LYZL1: variants seen among roughly 807,000 people sequenced by gnomAD.
The protein encoded by LYZL1 is lysozyme like 1.
Under a neutral mutation model 17.9 loss-of-function variants are expected in LYZL1, and 16 were observed. The ratio of observed to expected loss-of-function variants is 0.90; its 90% CI spans 0.61 to 1.36. LYZL1 has a LOEUF of 1.36. Among genes scored for constraint, LYZL1 ranks in the 40% most tolerant of loss-of-function variants. The pLI is 0.00. For missense variants in LYZL1, 149 were observed against 188.4 expected, an observed-to-expected ratio of 0.79 and a Z score of 1.22; for synonymous variants, 58 against 71.8, an observed-to-expected ratio of 0.81 and a Z score of 0.97.
chr10:29,308,025 CA>C (rs1281731954), intron 3 of LYZL1, among the ~76,000 whole-genome samples: 1 of 152,034 alleles, frequency 6.6e-6, no homozygotes, highest in Non-Finnish European at 1.5e-5. Context: ...AAAACAAAAA[CA>C]AAACAAAACA....
intron 3 of LYZL1, among the ~76,000 whole-genome samples, chr10:29,306,085 A>T (rs1026858829): frequency 1.3e-5 from 2 of 152,240 alleles, no homozygotes; most frequent in Non-Finnish European, 2.9e-5. Flanking sequence ...TCCCACAGTT[A>T]AGAGCCAATC....
At chr10:29,305,149 A>T (rs1348603844) in intron 3 of LYZL1, among the ~76,000 whole-genome samples, 1 of 152,182 alleles carries the variant, frequency 6.6e-6, no homozygotes, top group East Asian at 1.9e-4. Context: ...ATCTCCCAGA[A>T]AATATGCTAG....
chr10:29,290,787 C>A (rs1013644818), intron 1 of LYZL1, among the ~76,000 whole-genome samples: 2 of 151,896 alleles, frequency 1.3e-5, no homozygotes, highest in Admixed American at 1.3e-4. Flanking sequence ...TGGAGTGAGC[C>A]CAGATGGCGC....
chr10:29,301,598 A>G (rs1835519638), intron 3 of LYZL1, among the ~76,000 whole-genome samples: 2 of 152,026 alleles, frequency 1.3e-5, no homozygotes, highest in African/African-American at 4.8e-5. Flanking sequence ...TTTTTTATCT[A>G]GTCATTTTTA....
At chr10:29,300,110 G>C (rs367680092) in intron 3 of LYZL1, among the ~76,000 whole-genome samples, 2 of 152,090 alleles carry the variant, frequency 1.3e-5, no homozygotes, top group Admixed American at 6.6e-5. Context: ...GACATACATC[G>C]TGGAACCTTG....
downstream of LYZL1, among the ~76,000 whole-genome samples, chr10:29,314,028 G>A (rs1835702093): frequency 1.3e-5 from 2 of 152,134 alleles, no homozygotes; most frequent in South Asian, 4.2e-4. Context: ...TTTCTGGTCT[G>A]GTCTGGTCTG....
intron 1 of LYZL1, among the ~76,000 whole-genome samples, 161 bp from the exon 2 acceptor site, chr10:29,291,682 C>A (rs1304223839): frequency 2.7e-3 from 410 of 150,092 alleles, no homozygotes; most frequent in East Asian, 7.8e-3. Context: ...CTTCAGTTGC[C>A]TTCCTTCCCT....
intron 3 of LYZL1, among the ~76,000 whole-genome samples, chr10:29,304,602 T>C (rs1260870030): frequency 2.0e-5 from 3 of 152,246 alleles, no homozygotes; most frequent in Non-Finnish European, 4.4e-5. Flanking sequence ...CTGTTCAACA[T>C]AACCCTTTCT....
chr10:29,314,722 T>C (rs1384371761), downstream of LYZL1, among the ~76,000 whole-genome samples: 1 of 152,230 alleles, frequency 6.6e-6, no homozygotes, highest in Non-Finnish European at 1.5e-5. Flanking sequence ...ATTTTTGTTT[T>C]CAAATCAAGT....
chr10:29,312,835 A>G (rs922394017), downstream of LYZL1, among the ~76,000 whole-genome samples: 2 of 152,154 alleles, frequency 1.3e-5, no homozygotes, highest in African/African-American at 4.8e-5. Flanking sequence ...CTTGTTCTAA[A>G]TTTAGGTGAA....
intron 3 of LYZL1, among the ~76,000 whole-genome samples, chr10:29,300,006 G>A (rs1428043137): frequency 2.0e-5 from 3 of 152,204 alleles, no homozygotes; most frequent in Non-Finnish European, 1.5e-5. Flanking sequence ...AACCACGACA[G>A]AGTGTGAACG....
At chr10:29,301,140 C>T (rs1357412513) in intron 3 of LYZL1, among the ~76,000 whole-genome samples, 1 of 152,118 alleles carries the variant, frequency 6.6e-6, no homozygotes, top group Non-Finnish European at 1.5e-5. Context: ...CTTTCCGGCA[C>T]TGTTCTCTTG....
chr10:29,318,052 A>G lies in LYZL1; in HGVS notation c.*139-99A>G, dbSNP rs1325821469. On this transcript the variant is annotated intron_variant and NMD_transcript_variant, in intron 4 of 4. Coordinates refer to the LYZL1 transcript ENST00000494304. ...GACCTGCAGACACTTTGAAAGGATA[A>G]ACTACATTTTAATGTGAAATAAAGG... 4 of 506,168 alleles carry G rather than the reference A, an allele frequency of 7.9e-6. No individual in the cohort carries two copies. In the East Asian group the frequency reaches 6.0e-4, roughly 75 times the overall value. The allele number at this position is 506,168 out of a possible 1,614,324, so 31.4% of individuals were successfully genotyped here. A position where few individuals can be genotyped will look rare whatever the true frequency, so the allele number is the denominator to read the frequency against.
chr10:29,294,419 A>G (rs1835418952), intron 3 of LYZL1, among the ~76,000 whole-genome samples: 1 of 152,218 alleles, frequency 6.6e-6, no homozygotes, highest in Admixed American at 6.5e-5. Context: ...AAAAAGACTG[A>G]ATGATGGTCA....
chr10:29,310,940 T>C, intron 4 of LYZL1, 50 bp from the exon 5 acceptor site: 2 of 1,613,956 alleles, frequency 1.2e-6, no homozygotes, highest in Non-Finnish European at 8.5e-7. Flanking sequence ...CTAAGACGGT[T>C]TGGATTGTCA....
chr10:29,305,893 C>A (rs1271698162), intron 3 of LYZL1, among the ~76,000 whole-genome samples: 1 of 152,116 alleles, frequency 6.6e-6, no homozygotes. Flanking sequence ...ATAGCATGCT[C>A]GAGGGAAAAT....
chr10:29,313,376 T>G (rs914115086), downstream of LYZL1, among the ~76,000 whole-genome samples: 10 of 152,230 alleles, frequency 6.6e-5, no homozygotes, highest in Non-Finnish European at 1.3e-4. Context: ...AGCCCCATTC[T>G]TAGCCAAATT....
intron 3 of LYZL1, among the ~76,000 whole-genome samples, chr10:29,308,021 A>G (rs1334540605): frequency 6.6e-6 from 1 of 151,770 alleles, no homozygotes; most frequent in Non-Finnish European, 1.5e-5. Context: ...ATCAAAAACA[A>G]AAACAAAACA....
At chr10:29,315,876 A>T (rs1835724571), downstream of LYZL1, among the ~76,000 whole-genome samples, 2 of 151,918 alleles carry the variant, frequency 1.3e-5, no homozygotes, top group Admixed American at 1.3e-4. Flanking sequence ...TTAAAGCATG[A>T]AAATGTCTTC....
Sources: allele counts gnomAD v4.1 joint callset (sites outside exome capture counted in the v4.1 genomes callset), GRCh38; gene constraint gnomAD v4.1.1; transcripts MANE v1.5; gene names NCBI Gene and HGNC (gene_info 2026-07-23, HGNC 2026-07-21).